Variants in ATP13A4 observed in about 807,000 individuals in gnomAD.
ATP13A4 encodes the protein ATPase 13A4, also known as probable cation-transporting ATPase 13A4.
A neutral mutation model predicts 142.5 loss-of-function variants in ATP13A4; 114 were observed. The observed-to-expected ratio is 0.80, with a 90% CI of 0.69 to 0.93. The LOEUF (loss-of-function observed/expected upper bound fraction) is 0.93, where lower values mean the gene tolerates loss of function less well. ATP13A4 is among the 40% of genes least tolerant of loss of function. The probability of loss-of-function intolerance (pLI) is 0.00; values close to 1 mark genes in which losing one functional copy is unlikely to be tolerated. For synonymous variants in ATP13A4, 488 were observed against 514.8 expected (o/e 0.95, Z 0.70); for missense variants, 1,392 against 1,454.0 (o/e 0.96, Z 0.69).
chr3:193,544,345 C>T (rs928907456), intron 1 of ATP13A4, among the ~76,000 whole-genome samples: 4 of 151,994 alleles, frequency 2.6e-5, no homozygotes, highest in Admixed American at 2.0e-4. Flanking sequence ...AAACTCTCAC[C>T]TAAGAAAACT....
chr3:193,546,399 G>A (rs1006961375), intron 1 of ATP13A4, among the ~76,000 whole-genome samples: 2 of 152,136 alleles, frequency 1.3e-5, no homozygotes, highest in Non-Finnish European at 2.9e-5. Context: ...ATATGGATTT[G>A]AGACTGATCT....
chr3:193,530,951 C>T (rs938445718), intron 1 of ATP13A4, among the ~76,000 whole-genome samples: 1 of 152,168 alleles, frequency 6.6e-6, no homozygotes, highest in Non-Finnish European at 1.5e-5. Flanking sequence ...CCAGCTTTGC[C>T]AAGGTACATT....
intron 3 of ATP13A4, among the ~76,000 whole-genome samples, chr3:193,500,774 G>T (rs1009135757): frequency 1.3e-5 from 2 of 152,132 alleles, no homozygotes; most frequent in Admixed American, 6.5e-5. Flanking sequence ...GCCCCTAAAT[G>T]GTTACCCTCT....
chr3:193,530,274 C>T (rs900399870), intron 1 of ATP13A4, among the ~76,000 whole-genome samples: 1 of 151,292 alleles, frequency 6.6e-6, no homozygotes, highest in Non-Finnish European at 1.5e-5. Flanking sequence ...ATTACTTTTT[C>T]TCCTAGGGAA....
At chr3:193,420,562 T>A (rs986068746) in intron 25 of ATP13A4, among the ~76,000 whole-genome samples, 1 of 149,788 alleles carries the variant, frequency 6.7e-6, no homozygotes, top group Non-Finnish European at 1.5e-5. Flanking sequence ...GAATTTATAA[T>A]GATCTTAAGG....
intron 1 of ATP13A4, among the ~76,000 whole-genome samples, chr3:193,533,599 C>T (rs1250505297): frequency 6.6e-6 from 1 of 152,078 alleles, no homozygotes; most frequent in African/African-American, 2.4e-5. Context: ...ACAAAGAAAG[C>T]CTACTCTCTC....
chr3:193,568,313 C>G, intron 2 of ATP13A4, among the ~76,000 whole-genome samples: 1 of 152,004 alleles, frequency 6.6e-6, no homozygotes, highest in African/African-American at 2.4e-5. Flanking sequence ...ACAGTTGATT[C>G]CAGGAAAAAA....
chr3:193,470,828 G>C (rs918873270), intron 9 of ATP13A4, 31 bp downstream of exon 9: 2 of 1,613,548 alleles, frequency 1.2e-6, no homozygotes, highest in Non-Finnish European at 1.7e-6. Flanking sequence ...CCAGCCCACA[G>C]AGGTTGTCAG....
At chr3:193,519,377 T>A (rs1025225537) in intron 1 of ATP13A4, among the ~76,000 whole-genome samples, 13 of 152,204 alleles carry the variant, frequency 8.5e-5, no homozygotes, top group African/African-American at 3.1e-4. Flanking sequence ...CCTCTCCAAC[T>A]CCATCTTGGA....
intron 13 of ATP13A4, among the ~76,000 whole-genome samples, chr3:193,461,927 A>G (rs1717970522): frequency 6.6e-6 from 1 of 152,124 alleles, no homozygotes; most frequent in Non-Finnish European, 1.5e-5. Context: ...TCTTGCTAGG[A>G]AAAAGGAGTT....
At position 193,440,713 on chromosome 3, in the gene ATP13A4, T is replaced by A. The variant is rs1716579786; in HGVS notation, c.2440-76A>T. ...ATGAAATAATTACTAACACTCAGAA[T>A]GTTGACTGCATCATGACACTTACGA... On this transcript the variant is annotated intron_variant, in intron 20 of 29. Transcript: ENST00000342695. 5 of 1,456,836 alleles carry A rather than the reference T, an allele frequency of 3.4e-6. No homozygotes were observed. In the South Asian group the frequency reaches 4.6e-5, roughly 13 times the overall value. 90.2% of individuals were successfully genotyped at this position (1,456,836 alleles called of 1,614,324 possible).
At chr3:193,531,288 G>GGAAGGA (rs1722302632) in intron 1 of ATP13A4, among the ~76,000 whole-genome samples, 1 of 113,150 alleles carries the variant, frequency 8.8e-6, no homozygotes, top group Non-Finnish European at 1.9e-5. Context: ...GGGAGGGAGG[G>GGAAGGA]AGGGAGGGAG....
intron 25 of ATP13A4, among the ~76,000 whole-genome samples, chr3:193,422,624 A>G (rs1377818946): frequency 6.7e-6 from 1 of 149,856 alleles, no homozygotes; most frequent in Non-Finnish European, 1.5e-5. Flanking sequence ...GGTGCTACTG[A>G]ACAACCAATG....
At chr3:193,566,078 C>A (rs1292464547) in intron 2 of ATP13A4, among the ~76,000 whole-genome samples, 1 of 152,142 alleles carries the variant, frequency 6.6e-6, no homozygotes, top group Non-Finnish European at 1.5e-5. Flanking sequence ...AAGTCCTCAA[C>A]TCACGAACCT....
chr3:193,504,020 T>TGTGTGAGAGA (rs1034644341), intron 2 of ATP13A4, among the ~76,000 whole-genome samples: 2 of 144,216 alleles, frequency 1.4e-5, no homozygotes, highest in African/African-American at 5.2e-5. Context: ...TGTGTGTGTG[T>TGTGTGAGAGA]GAGAGAGAGA....
intron 2 of ATP13A4, among the ~76,000 whole-genome samples, chr3:193,562,250 G>T (rs964027869): frequency 1.3e-5 from 2 of 152,292 alleles, no homozygotes; most frequent in African/African-American, 4.8e-5. Context: ...TTTGATGAGT[G>T]TGGGTTATGT....
At chr3:193,484,310 AAAATAAATAAATAAATAAAT>A (rs201541607) in intron 7 of ATP13A4, among the ~76,000 whole-genome samples, 118 of 144,586 alleles carry the variant, frequency 8.2e-4, no homozygotes, top group African/African-American at 2.8e-3. Flanking sequence ...ACTCTGTCTC[AAAATAAATAAATAAATAAAT>A]AAATAAATAA....
intron 3 of ATP13A4, 98 bp downstream of exon 3, chr3:193,502,395 T>G: frequency 1.0e-5 from 14 of 1,387,440 alleles, no homozygotes; most frequent in Non-Finnish European, 1.2e-5. Flanking sequence ...CACTATCAAA[T>G]GAGGATTGGC....
At chr3:193,593,056 A>C in exon 1 of ATP13A4, 1 of 350,928 alleles carries the variant, frequency 2.8e-6, no homozygotes. Flanking sequence ...ATCGGAAGCA[A>C]GAGGGCGGGG....
Sources: gnomAD v4.1 joint callset for allele counts (sites outside exome capture counted in the v4.1 genomes callset) on GRCh38, gnomAD v4.1.1 for gene constraint, MANE v1.5 for transcripts, NCBI Gene and HGNC (gene_info 2026-07-23, HGNC 2026-07-21) for gene names.